The following HLCS variants were observed in gnomAD, a reference collection of about 807,000 sequenced individuals.
The protein encoded by HLCS is biotin--protein ligase.
Under a neutral mutation model 75.0 loss-of-function variants are expected in HLCS, and 53 were observed. That is an observed-to-expected ratio of 0.71 (90% confidence interval 0.57 to 0.89). The LOEUF (loss-of-function observed/expected upper bound fraction) is 0.89, where lower values mean the gene tolerates loss of function less well. Among genes scored for constraint, HLCS ranks in the 40% least tolerant of loss-of-function variants. The pLI, the probability that HLCS is intolerant of heterozygous loss-of-function variation, is 0.00. For missense variants in HLCS, 966 were observed against 1,074.0 expected (o/e 0.90, Z 1.41); for synonymous variants, 431 against 428.6 (o/e 1.01, Z -0.07).
At chr21:36,776,701 C>T (rs1160977568) in intron 6 of HLCS, among the ~76,000 whole-genome samples, 6 of 152,184 alleles carry the variant, frequency 3.9e-5, no homozygotes, top group Non-Finnish European at 5.9e-5. Flanking sequence ...GCGTGAGCCA[C>T]CGCACCCGGC....
chr21:36,884,876 G>C (rs970104484), intron 6 of HLCS, among the ~76,000 whole-genome samples: 2 of 152,104 alleles, frequency 1.3e-5, no homozygotes, highest in African/African-American at 4.8e-5. Flanking sequence ...GAAGGTTCAG[G>C]GGTCTCAGGA....
rs1431242402 is a variant in HLCS, at chr21:36,936,695, G to A, written c.1191C>T (p.Phe397=). The A allele has an allele frequency of 1.2e-6, 2 of 1,614,222 alleles. No individual in the cohort carries two copies. Among genetic ancestry groups the A allele is most frequent in the African/African-American group, 1.3e-5 (1 of 75,064 alleles). ...TTGTCACCTGAAAGCCACCAAAGGTGAAGGATGAAGACAGGCCCAACACCT... is the reference window on the plus strand; with the variant it reads ...TTGTCACCTGAAAGCCACCAAAGGTAAAGGATGAAGACAGGCCCAACACCT... ...GGKVLGLSSS[F]TFGGFQVTSK... The change falls in exon 4 of 11, where the codon TTC becomes TTT. Residue 397 remains phenylalanine, a synonymous_variant. Transcript: ENST00000674895.
chr21:36,937,536 C>G, intron 3 of HLCS, 144 bp from the exon 4 acceptor site: 2 of 756,994 alleles, frequency 2.6e-6, no homozygotes, highest in South Asian at 3.1e-5. Flanking sequence ...CCACCTGCAT[C>G]CCCCCTCAAC....
chr21:36,932,348 G>A (rs898440897), intron 4 of HLCS, among the ~76,000 whole-genome samples: 3 of 152,004 alleles, frequency 2.0e-5, no homozygotes, highest in Admixed American at 6.5e-5. Flanking sequence ...TTCACTTAAG[G>A]GTGCAGTTTC....
rs141512683 is a variant in HLCS at position 36,892,526 on chromosome 21, C to T, written c.1892+4334G>A. Among the ~76,000 whole-genome samples the T allele has an allele frequency of 1.2e-4, 19 of 152,288 alleles. No homozygotes were observed. In the East Asian group the frequency reaches 2.5e-3, roughly 20 times the overall value. On this transcript the variant is annotated intron_variant, in intron 6 of 10. Coordinates refer to ENST00000674895, the MANE Select transcript of HLCS (RefSeq NM_001352514.2). ...CATCCGGCCCTAAAAGAGAAAACGG[C>T]ACATCATCCAGAGATCCTGAATCTG...
At chr21:36,763,486 G>A (rs1465714453) in intron 8 of HLCS, among the ~76,000 whole-genome samples, 4 of 152,184 alleles carry the variant, frequency 2.6e-5, no homozygotes, top group African/African-American at 9.7e-5. Context: ...AGGAAACAGA[G>A]ACGTCAGCAT....
At chr21:36,754,835 CA>C (rs2089498282) in intron 10 of HLCS, among the ~76,000 whole-genome samples, 1 of 152,168 alleles carries the variant, frequency 6.6e-6, no homozygotes, top group Non-Finnish European at 1.5e-5. Context: ...TCATATCAGC[CA>C]CAAGTGAAAC....
chr21:36,925,751 T>G (rs1396992928), intron 5 of HLCS, among the ~76,000 whole-genome samples: 1 of 152,212 alleles, frequency 6.6e-6, no homozygotes, highest in African/African-American at 2.4e-5. Context: ...GCCTGTGCTT[T>G]CTTTCTGCCA....
intron 6 of HLCS, among the ~76,000 whole-genome samples, chr21:36,887,620 G>A (rs544720046): frequency 6.6e-6 from 1 of 152,244 alleles, no homozygotes; most frequent in South Asian, 2.1e-4. Flanking sequence ...AGTCACAACC[G>A]TTGCCAAAGT....
chr21:36,844,245 G>C (rs55939706), intron 6 of HLCS, among the ~76,000 whole-genome samples: 1 of 151,464 alleles, frequency 6.6e-6, no homozygotes, highest in African/African-American at 2.4e-5. Context: ...ATGAGCCATC[G>C]TGGAACTGAT....
At chr21:36,858,023 A>G (rs915961451) in intron 6 of HLCS, among the ~76,000 whole-genome samples, 1 of 151,988 alleles carries the variant, frequency 6.6e-6, no homozygotes, top group African/African-American at 2.4e-5. Context: ...CTCCTGACCT[A>G]ATGATCCACC....
intron 6 of HLCS, among the ~76,000 whole-genome samples, chr21:36,864,207 C>G (rs1332912352): frequency 6.6e-6 from 1 of 152,036 alleles, no homozygotes; most frequent in Non-Finnish European, 1.5e-5. Context: ...TGAGACCAGC[C>G]TGGCCAACAT....
chr21:36,805,194 T>C (rs970428898), intron 6 of HLCS, among the ~76,000 whole-genome samples: 4 of 152,156 alleles, frequency 2.6e-5, no homozygotes, highest in African/African-American at 9.7e-5. Context: ...GATGTCCAGC[T>C]TGGGAAATAT....
intron 6 of HLCS, among the ~76,000 whole-genome samples, chr21:36,862,963 A>T (rs1366557984): frequency 4.7e-5 from 5 of 106,374 alleles, no homozygotes; most frequent in African/African-American, 1.2e-4. Context: ...TTTTTTTTTT[A>T]AAGCGACGGG....
intron 2 of HLCS, among the ~76,000 whole-genome samples, chr21:36,961,219 C>T (rs936888113): frequency 6.6e-6 from 1 of 152,092 alleles, no homozygotes; most frequent in Admixed American, 6.6e-5. Context: ...ACGTTTAGGA[C>T]GTAGGTGGTG....
intron 1 of HLCS, chr21:36,986,826 G>A (rs2069237944): frequency 6.6e-6 from 1 of 152,230 alleles, no homozygotes; most frequent in Non-Finnish European, 1.5e-5. Context: ...AATCAATTGA[G>A]ATAACTTGCT....
At chr21:36,766,030 C>T (rs77619463) in intron 7 of HLCS, among the ~76,000 whole-genome samples, 1,881 of 151,506 alleles carry the variant, frequency 0.012, 38 homozygotes, top group African/African-American at 0.044. Flanking sequence ...TTTTTCTTTA[C>T]TTCCTTTCTT....
At chr21:36,783,193 C>T (rs2060585616) in intron 6 of HLCS, among the ~76,000 whole-genome samples, 1 of 152,030 alleles carries the variant, frequency 6.6e-6, no homozygotes, top group African/African-American at 2.4e-5. Flanking sequence ...CAATGCTGCC[C>T]ATCAGAATCG....
intron 6 of HLCS, among the ~76,000 whole-genome samples, chr21:36,815,551 G>A (rs1251812551): frequency 1.3e-5 from 2 of 152,168 alleles, no homozygotes; most frequent in Non-Finnish European, 2.9e-5. Context: ...AGAGCAGTAC[G>A]CTTAAGAATC....
Sources: gnomAD v4.1 joint callset for allele counts (sites outside exome capture counted in the v4.1 genomes callset) on GRCh38, gnomAD v4.1.1 for gene constraint, MANE v1.5 for transcripts, NCBI Gene and HGNC (gene_info 2026-07-23, HGNC 2026-07-21) for gene names.